Variants in PTPRF observed in about 807,000 individuals in gnomAD.
PTPRF encodes protein tyrosine phosphatase receptor type F.
In PTPRF, 59 loss-of-function variants were observed where a neutral mutation model predicts 201.8. The ratio of observed to expected loss-of-function variants is 0.29; its 90% CI spans 0.24 to 0.36. The LOEUF (loss-of-function observed/expected upper bound fraction) is 0.36, where lower values mean the gene tolerates loss of function less well. PTPRF is among the 10% of genes least tolerant of loss of function. The probability of loss-of-function intolerance (pLI) is 1.00; values close to 1 mark genes in which losing one functional copy is unlikely to be tolerated. For synonymous variants in PTPRF, 1,088 were observed against 1,089.7 expected, an observed-to-expected ratio of 1.00 and a Z score of 0.03; for missense variants, 2,132 against 2,690.5, an observed-to-expected ratio of 0.79 and a Z score of 4.59.
chr1:43,538,730 T>G (rs907016675), intron 2 of PTPRF, among the ~76,000 whole-genome samples: 1 of 152,206 alleles, frequency 6.6e-6, no homozygotes, highest in African/African-American at 2.4e-5. Flanking sequence ...GAAAAGACTG[T>G]TCCCATCGAC....
At chr1:43,527,739 C>A (rs1230487682), upstream of PTPRF, among the ~76,000 whole-genome samples, 1 of 152,170 alleles carries the variant, frequency 6.6e-6, no homozygotes, top group Non-Finnish European at 1.5e-5. Context: ...GCAGAGGGAA[C>A]AGGGCTGCCA....
In PTPRF at chr1:43,553,982, G is replaced by A; in HGVS notation, c.379+41G>A. 1 of 1,607,250 alleles carries A rather than the reference G, an allele frequency of 6.2e-7. No individual in the cohort carries two copies. Among genetic ancestry groups the A allele is most frequent in the East Asian group, 2.2e-5 (1 of 44,732 alleles). On this transcript the variant is annotated intron_variant, in intron 5 of 33. Transcript: ENST00000359947. This position sits in a 1 kb window ranked among gnomAD's most constrained non-coding sequence, Gnocchi z 4.1. ...ACGTGGCACGGTGGGCTGCCGGGCTGAGGCGTGGGAAGAGCCAGCCAGCCC... is the reference window on the plus strand; with the variant it reads ...ACGTGGCACGGTGGGCTGCCGGGCTAAGGCGTGGGAAGAGCCAGCCAGCCC...
Position 43,598,865 on chromosome 1 carries a change from G to A in PTPRF, c.2265G>A (p.Glu755=), listed in dbSNP as rs1405515421. The change falls in exon 13 of 34, where the codon GAG becomes GAA. Residue 755 remains glutamate (E), a synonymous_variant. Coordinates refer to ENST00000359947, the MANE Select transcript of PTPRF (RefSeq NM_002840.5). ...QVTYVRLENG[E]PRGLPIIQDV... The stretch of plus-strand genomic sequence containing the variant: ...CCTACGTGCGGCTGGAGAATGGCGA[G>A]CCCCGTGGACTCCCCATCATCCAAG... 1 of 1,614,144 alleles carries A rather than the reference G, an allele frequency of 6.2e-7. No individual in the cohort carries two copies. Among genetic ancestry groups the A allele is most frequent in the Admixed American group, 1.7e-5 (1 of 60,008 alleles).
At chr1:43,528,954 C>T (rs1428038045), upstream of PTPRF, among the ~76,000 whole-genome samples, 1 of 151,884 alleles carries the variant, frequency 6.6e-6, no homozygotes, top group Non-Finnish European at 1.5e-5. Context: ...GAGCAGAAGA[C>T]GAGGTGGTAA....
At chr1:43,552,562 G>C (rs149346624) in intron 3 of PTPRF, among the ~76,000 whole-genome samples, 4 of 152,318 alleles carry the variant, frequency 2.6e-5, no homozygotes, top group African/African-American at 9.6e-5. Flanking sequence ...TGGTCTGAAA[G>C]GTCATTTCTC....
chr1:43,581,864 G>A (rs1647745510), intron 7 of PTPRF, among the ~76,000 whole-genome samples: 1 of 152,258 alleles, frequency 6.6e-6, no homozygotes, highest in African/African-American at 2.4e-5. Context: ...CCGCAGCACT[G>A]TTGACATTTT....
At chr1:43,568,553 G>A (rs1294258704) in intron 5 of PTPRF, among the ~76,000 whole-genome samples, 1 of 152,190 alleles carries the variant, frequency 6.6e-6, no homozygotes, top group African/African-American at 2.4e-5. Context: ...TGAACCCTGT[G>A]TACAGATAAA....
Position 43,546,246 on chromosome 1 carries a change from G to A in PTPRF, c.91+1080G>A, listed in dbSNP as rs77202265. ...AGTGGGGTGGGACTGGTGTGGTCCC[G>A]CCCTTTGTCCTCAAGTGCTGGGTCC... On this transcript the variant is annotated intron_variant, in intron 3 of 33. Coordinates refer to ENST00000359947, the MANE Select transcript of PTPRF (RefSeq NM_002840.5). This position sits in a 1 kb window ranked among gnomAD's most constrained non-coding sequence, Gnocchi z 4.2. Among the ~76,000 whole-genome samples the A allele has an allele frequency of 7.0e-3, 1,072 of 152,282 alleles. 13 individuals carry two copies. The highest frequency in any genetic ancestry group is 0.024 in the African/African-American group (1,003 of 41,550).
chr1:43,608,877 C>T (rs974416179), intron 21 of PTPRF, among the ~76,000 whole-genome samples: 1 of 152,190 alleles, frequency 6.6e-6, no homozygotes, highest in African/African-American at 2.4e-5. Flanking sequence ...AAAACTGAGG[C>T]CAGTGAGAGA....
Position 43,603,162 on chromosome 1 carries a change from T to C in PTPRF, c.2341-254T>C, listed in dbSNP as rs1337758786. On this transcript the variant is annotated intron_variant, in intron 14 of 33. Coordinates refer to ENST00000359947, the MANE Select transcript of PTPRF (RefSeq NM_002840.5). The surrounding 1 kb of genome is among the most constrained non-coding windows in gnomAD (Gnocchi z 5.8). ...GTGAGGGAAACAGTCTGGCCCTTTGTTCTTGTCTGAAAAGAATAATGAGCT... is the reference window on the plus strand; with the variant it reads ...GTGAGGGAAACAGTCTGGCCCTTTGCTCTTGTCTGAAAAGAATAATGAGCT... 6.6e-6 allele frequency among the ~76,000 whole-genome samples: 1 copy of C among 152,136 alleles called. No homozygotes were observed. Among genetic ancestry groups the C allele is most frequent in the Admixed American group, 6.5e-5 (1 of 15,276 alleles).
In PTPRF at chr1:43,578,857, G is replaced by T. The variant is rs754335848; in HGVS notation, c.616G>T (p.Glu206Ter). ...TGAGGAATCCGACCAAGGCAAGTAC[G>T]AGTGTGTGGCGACCAACTCGGCAGG... ...SSEESDQGKY[E>*]CVATNSAGTR... Residue 206 changes from glutamate to a stop codon, truncating the protein, a stop_gained, in exon 7 of 34, where the codon GAG becomes TAG. Transcript: ENST00000359947. LOFTEE classifies it high-confidence loss of function. The T allele has an allele frequency of 6.2e-7, 1 of 1,614,226 alleles. No homozygotes were observed. The highest frequency in any genetic ancestry group is 1.7e-5 in the Admixed American group (1 of 60,028).
intron 7 of PTPRF, among the ~76,000 whole-genome samples, chr1:43,581,002 G>C (rs1048028844): frequency 6.6e-6 from 1 of 152,254 alleles, no homozygotes; most frequent in Non-Finnish European, 1.5e-5. Flanking sequence ...AGCATTCTCT[G>C]AAGTCACTGT....
At chr1:43,611,553 C>T (rs1656452770) in intron 22 of PTPRF, among the ~76,000 whole-genome samples, 1 of 152,208 alleles carries the variant, frequency 6.6e-6, no homozygotes, top group Non-Finnish European at 1.5e-5. Context: ...CTTAGACTTC[C>T]TCTTCAGGAT....
At chr1:43,609,202 G>A (rs1655865311) in intron 21 of PTPRF, among the ~76,000 whole-genome samples, 181 bp from the exon 22 acceptor site, 1 of 152,120 alleles carries the variant, frequency 6.6e-6, no homozygotes, top group African/African-American at 2.4e-5. Context: ...CCTGCCCTGT[G>A]TTCTCTCATG....
At position 43,619,080 on chromosome 1, in the gene PTPRF, G is replaced by C; in HGVS notation, c.4524G>C (p.Gln1508His). 6.2e-7 allele frequency: 1 copy of C among 1,614,072 alleles called. No individual in the cohort carries two copies. Among genetic ancestry groups the C allele is most frequent in the Middle Eastern group, 1.7e-4 (1 of 6,060 alleles). The change falls in exon 27 of 34, where the codon CAG (glutamine) becomes CAC (histidine). Residue 1508 changes from glutamine (Q) to histidine (H), a missense_variant. Around this residue, in one of 6 missense-constraint regions of PTPRF, gnomAD observed 519 missense variants for 659.5 expected, o/e 0.79. Coordinates refer to ENST00000359947, the MANE Select transcript of PTPRF (RefSeq NM_002840.5). ...SGSSEKRELR[Q>H]FQFMAWPDHG... ...CCAGTGAGAAGCGCGAGCTGCGTCA[G>C]TTTCAGTTCATGGCCTGGCCAGACC...
At chr1:43,561,049 T>G (rs1026908468) in intron 5 of PTPRF, among the ~76,000 whole-genome samples, 1 of 152,162 alleles carries the variant, frequency 6.6e-6, no homozygotes, top group African/African-American at 2.4e-5. Context: ...TGTACTGGGC[T>G]TGGACCTCTG....
intron 21 of PTPRF, among the ~76,000 whole-genome samples, 173 bp downstream of exon 21, chr1:43,607,141 A>G (rs943072095): frequency 4.6e-5 from 7 of 152,220 alleles, no homozygotes; most frequent in Non-Finnish European, 7.3e-5. Context: ...CTGTGTCTGC[A>G]GGCCTGCATC....
intron 2 of PTPRF, among the ~76,000 whole-genome samples, chr1:43,539,677 G>A (rs914249654): frequency 5.3e-5 from 8 of 152,184 alleles, no homozygotes; most frequent in Non-Finnish European, 8.8e-5. Flanking sequence ...GGGAGGGTGG[G>A]TGTAGGGACA....
rs765701307 is a variant in PTPRF at position 43,597,731 on chromosome 1, C to T, written c.1814-17C>T. ...CACCCTCCATCTGCTTGCTTCCCCC[C>T]CATTTGTCTTCCCCAGCCCCCTCCG... is the stretch of plus-strand genomic sequence containing the variant. On this transcript the variant is annotated splice_polypyrimidine_tract_variant and intron_variant, in intron 11 of 33. Transcript: ENST00000359947. The T allele has an allele frequency of 4.4e-5, 63 of 1,431,664 alleles. No homozygotes were observed. In the Admixed American group the frequency reaches 6.9e-4, roughly 16 times the overall value. The allele number at this position is 1,431,664 out of a possible 1,614,324, so 88.7% of individuals were successfully genotyped here. A position where few individuals can be genotyped will look rare whatever the true frequency, so the allele number is the denominator to read the frequency against.
Sources: allele counts gnomAD v4.1 joint callset (sites outside exome capture counted in the v4.1 genomes callset), GRCh38; gene constraint gnomAD v4.1.1; regional missense constraint gnomAD v4.1.1; non-coding constraint Gnocchi (gnomAD v3.1); transcripts MANE v1.5; gene names NCBI Gene and HGNC (gene_info 2026-07-23, HGNC 2026-07-21).